The following LMBR1 variants were observed in gnomAD, a reference collection of about 807,000 sequenced individuals.
The protein encoded by LMBR1 is limb development membrane protein 1.
Under a neutral mutation model 73.9 loss-of-function variants are expected in LMBR1, and 52 were observed. The observed-to-expected ratio is 0.70, with a 90% confidence interval of 0.56 to 0.89. LMBR1 has a LOEUF of 0.89. Ranked by LOEUF, LMBR1 falls within the 40% of genes least tolerant of loss-of-function variation. LMBR1 has a pLI of 0.00. For missense variants in LMBR1, 539 were observed against 579.8 expected, an observed-to-expected ratio of 0.93 and a Z score of 0.72; for synonymous variants, 215 against 209.4, an observed-to-expected ratio of 1.03 and a Z score of -0.23.
intron 1 of LMBR1, among the ~76,000 whole-genome samples, chr7:156,886,596 T>C (rs1358317352): frequency 6.6e-6 from 1 of 152,164 alleles, no homozygotes; most frequent in African/African-American, 2.4e-5. Context: ...ATCAAAGCTA[T>C]AGTTATGGCT....
At chr7:156,715,600 A>G (rs565222255) in intron 15 of LMBR1, among the ~76,000 whole-genome samples, 2 of 152,310 alleles carry the variant, frequency 1.3e-5, no homozygotes, top group East Asian at 3.9e-4. Flanking sequence ...TCTTCATCCT[A>G]AAAAATGAAT....
At chr7:156,889,706 T>C (rs57561696) in intron 1 of LMBR1, among the ~76,000 whole-genome samples, 40,257 of 152,086 alleles carry the variant, frequency 0.26, 5,642 homozygotes, top group East Asian at 0.42. Flanking sequence ...TTTTACAATG[T>C]GTCCCTTTCT....
rs772174594 is a variant in LMBR1 at position 156,763,719 on chromosome 7, A to G, written c.500T>C (p.Val167Ala). ...LALLILGIVW[V>A]ASALIDNDAA... ...ATCGTTGTCAATGAGTGCTGAAGCT[A>G]CCCACACTATCCCAAGAATGAGTAA... The change falls in exon 6 of 17, where the codon GTA becomes GCA. Residue 167 changes from valine to alanine, a missense_variant. Val to Ala is a moderately conservative substitution (Grantham distance 64). This residue lies in a region of LMBR1 where 454 missense variants were observed against 473.4 expected (regional missense o/e 0.96). Coordinates refer to ENST00000353442, the MANE Select transcript of LMBR1 (RefSeq NM_022458.4). 3.7e-6 allele frequency: 6 copies of G among 1,606,344 alleles called. No homozygotes were observed. The highest frequency in any genetic ancestry group is 5.1e-6 in the Non-Finnish European group (6 of 1,178,314).
intron 4 of LMBR1, among the ~76,000 whole-genome samples, chr7:156,810,356 ACCTCC>A (rs1832884903): frequency 6.6e-6 from 1 of 151,636 alleles, no homozygotes; most frequent in Non-Finnish European, 1.5e-5. Context: ...TGGCCCAAAC[ACCTCC>A]CACTAGATCC....
At chr7:156,747,276 C>T (rs1563266340) in intron 9 of LMBR1, among the ~76,000 whole-genome samples, 1 of 152,068 alleles carries the variant, frequency 6.6e-6, no homozygotes, top group Non-Finnish European at 1.5e-5. Flanking sequence ...CTGCCCCACC[C>T]GTCTCTTTGG....
At chr7:156,811,381 G>A (rs1833069054) in intron 4 of LMBR1, among the ~76,000 whole-genome samples, 1 of 151,886 alleles carries the variant, frequency 6.6e-6, no homozygotes, top group Non-Finnish European at 1.5e-5. Context: ...GGAGGCCGAG[G>A]CAGGTGGATC....
At chr7:156,862,184 T>C (rs559573950) in intron 1 of LMBR1, among the ~76,000 whole-genome samples, 2 of 152,286 alleles carry the variant, frequency 1.3e-5, no homozygotes, top group South Asian at 4.1e-4. Flanking sequence ...CTCACAATCA[T>C]GGTGGACAGC....
At chr7:156,820,975 G>A (rs1007388868) in intron 4 of LMBR1, among the ~76,000 whole-genome samples, 7 of 152,180 alleles carry the variant, frequency 4.6e-5, no homozygotes, top group Non-Finnish European at 7.3e-5. Flanking sequence ...TTGGGGCAAC[G>A]CCCTGCCATC....
At chr7:156,813,558 C>T (rs1442972833) in intron 4 of LMBR1, among the ~76,000 whole-genome samples, 2 of 152,108 alleles carry the variant, frequency 1.3e-5, no homozygotes, top group Admixed American at 6.6e-5. Context: ...GTGAAATATA[C>T]GTTCTCTTCA....
At chr7:156,887,269 T>C (rs1218675335) in intron 1 of LMBR1, among the ~76,000 whole-genome samples, 1 of 151,924 alleles carries the variant, frequency 6.6e-6, no homozygotes, top group African/African-American at 2.4e-5. Flanking sequence ...TTGAGACCAT[T>C]CTGGCCAACA....
chr7:156,841,311 G>C (rs1199280351), intron 1 of LMBR1, among the ~76,000 whole-genome samples: 3 of 151,972 alleles, frequency 2.0e-5, no homozygotes, highest in Non-Finnish European at 4.4e-5. Flanking sequence ...AGGCTGGATG[G>C]GCAGTTGGAT....
At chr7:156,852,254 A>T (rs1398028168) in intron 1 of LMBR1, among the ~76,000 whole-genome samples, 1 of 152,202 alleles carries the variant, frequency 6.6e-6, no homozygotes, top group East Asian at 1.9e-4. Context: ...CCTATCAGAA[A>T]GCTAGTAGTT....
chr7:156,833,176 G>GT (rs1410745794), intron 3 of LMBR1, among the ~76,000 whole-genome samples: 1 of 152,140 alleles, frequency 6.6e-6, no homozygotes. Flanking sequence ...GAATTTTAAT[G>GT]TATCAATAAA....
At chr7:156,833,879 C>T (rs559850552) in intron 2 of LMBR1, 87 bp from the exon 3 acceptor site, 5 of 851,596 alleles carry the variant, frequency 5.9e-6, no homozygotes, top group Non-Finnish European at 9.2e-6. Flanking sequence ...ACAATATAAA[C>T]TTAAAAGGCA....
chr7:156,852,542 C>T (rs140223622), intron 1 of LMBR1, among the ~76,000 whole-genome samples: 2 of 152,294 alleles, frequency 1.3e-5, no homozygotes, highest in African/African-American at 4.8e-5. Flanking sequence ...CTTTAGAGAT[C>T]TATCTATGAT....
At chr7:156,807,872 G>C (rs1161386526) in intron 4 of LMBR1, among the ~76,000 whole-genome samples, 1 of 152,090 alleles carries the variant, frequency 6.6e-6, no homozygotes, top group Non-Finnish European at 1.5e-5. Flanking sequence ...TCTTTGACCA[G>C]TGAGTTATTG....
At chr7:156,788,929 TC>T (rs1828679048) in intron 5 of LMBR1, among the ~76,000 whole-genome samples, 1 of 152,070 alleles carries the variant, frequency 6.6e-6, no homozygotes, top group African/African-American at 2.4e-5. Flanking sequence ...GCACCTGTAA[TC>T]CCAGCTACTT....
At chr7:156,675,680 C>G (rs371776822), downstream of LMBR1, 2 of 1,599,072 alleles carry the variant, frequency 1.3e-6, no homozygotes, top group Admixed American at 1.7e-5. Flanking sequence ...CTTACCCGCC[C>G]CCGCCTCCTC....
intron 1 of LMBR1, among the ~76,000 whole-genome samples, chr7:156,874,502 C>T (rs997282689): frequency 6.6e-6 from 1 of 152,266 alleles, no homozygotes; most frequent in Non-Finnish European, 1.5e-5. Flanking sequence ...AGTGGGAGCC[C>T]AGGCAGGGGA....
Sources: gnomAD v4.1 joint callset for allele counts (sites outside exome capture counted in the v4.1 genomes callset) on GRCh38, gnomAD v4.1.1 for gene constraint, gnomAD v4.1.1 regional missense constraint, MANE v1.5 for transcripts, NCBI Gene and HGNC (gene_info 2026-07-23, HGNC 2026-07-21) for gene names.